Variants in SVEP1 observed in about 807,000 individuals in gnomAD.
SVEP1 encodes the protein sushi, von Willebrand factor type A, EGF and pentraxin domain-containing protein 1.
A neutral mutation model predicts 367.3 loss-of-function variants in SVEP1; 164 were observed. The observed-to-expected ratio is 0.45, with a 90% CI of 0.39 to 0.51. SVEP1 has a LOEUF of 0.51. Ranked by LOEUF, SVEP1 falls within the 20% of genes least tolerant of loss-of-function variation. The pLI is 0.00. For synonymous variants in SVEP1, 1,666 were observed against 1,611.6 expected (o/e 1.03, Z -0.81); for missense variants, 4,117 against 4,425.3 (o/e 0.93, Z 1.98).
In SVEP1 at chr9:110,489,662, T is replaced by C; in HGVS notation, c.1918A>G (p.Ile640Val). The change falls in exon 9 of 48, where the codon ATC becomes GTC. Residue 640 changes from isoleucine to valine, a missense_variant. By Grantham distance (29) the Ile-to-Val change is conservative (BLOSUM62 3). Coordinates refer to ENST00000374469, the MANE Select transcript of SVEP1 (RefSeq NM_153366.4). Reference protein sequence around the residue: ...SGNQASCIFHIKVIDAEPPVI... With the variant: ...SGNQASCIFHVKVIDAEPPVI... ...CTATATCACTTACCAATAACCTTGA[T>C]ATGGAAAATGCAGCTGGCCTGGTTG... is the stretch of plus-strand genomic sequence containing the variant. The C allele has an allele frequency of 1.9e-6, 3 of 1,612,798 alleles. No homozygotes were observed. The highest frequency in any genetic ancestry group is 2.5e-6 in the Non-Finnish European group (3 of 1,179,254).
chr9:110,577,956 T>C lies in SVEP1; in HGVS notation c.531+1057A>G, dbSNP rs1293823315. Among the ~76,000 whole-genome samples the C allele has an allele frequency of 3.3e-5, 5 of 152,320 alleles. No homozygotes were observed. In the South Asian group the frequency reaches 1.0e-3, roughly 32 times the overall value. Reference sequence around the variant, plus strand: ...GATATTAAAAAGAATAGTATGATATTGGTGAATATGTGGCAAATTTACTGC... The same window carrying C: ...GATATTAAAAAGAATAGTATGATATCGGTGAATATGTGGCAAATTTACTGC... On this transcript the variant is annotated intron_variant, in intron 1 of 47. Coordinates refer to ENST00000374469, the MANE Select transcript of SVEP1 (RefSeq NM_153366.4).
intron 39 of SVEP1, among the ~76,000 whole-genome samples, chr9:110,403,853 C>CTTT (rs11439177): frequency 6.0e-4 from 87 of 144,242 alleles, no homozygotes; most frequent in South Asian, 8.9e-4. Flanking sequence ...TAATAATACA[C>CTTT]TTTTTTTTTT....
intron 47 of SVEP1, among the ~76,000 whole-genome samples, chr9:110,367,175 T>A (rs1216883898): frequency 1.3e-5 from 2 of 152,168 alleles, no homozygotes; most frequent in African/African-American, 4.8e-5. Context: ...ATATATATAT[T>A]TTAAAACAAG....
At position 110,496,088 on chromosome 9, in the gene SVEP1, T is replaced by A. The variant is rs1425040888; in HGVS notation, c.1800+727A>T. Among the ~76,000 whole-genome samples, 6 of 152,236 alleles carry A rather than the reference T, an allele frequency of 3.9e-5. No homozygotes were observed. In the East Asian group the frequency reaches 1.2e-3, roughly 29 times the overall value. On this transcript the variant is annotated intron_variant, in intron 8 of 47. Coordinates refer to ENST00000374469, the MANE Select transcript of SVEP1 (RefSeq NM_153366.4). ...AGTTTCTGGTTTTGAGGATTTTATC[T>A]GAGATTTCTAATTAAAAATTCAAGG...
intron 43 of SVEP1, among the ~76,000 whole-genome samples, chr9:110,380,853 G>A (rs1827422677): frequency 6.6e-6 from 1 of 152,130 alleles, no homozygotes; most frequent in Non-Finnish European, 1.5e-5. Context: ...ATTTATTACT[G>A]CCTCAATTTC....
At chr9:110,486,651 CTCTCT>C (rs943523331) in intron 9 of SVEP1, among the ~76,000 whole-genome samples, 34 of 77,914 alleles carry the variant, frequency 4.4e-4, no homozygotes, top group Non-Finnish European at 6.7e-4. Context: ...CTCTCTCTCT[CTCTCT>C]TTTTTTTTTT....
At chr9:110,458,220 G>T (rs878980512) in intron 20 of SVEP1, 1 of 591,088 alleles carries the variant, frequency 1.7e-6, no homozygotes, top group Non-Finnish European at 3.1e-6. Flanking sequence ...GGCTCCCCCT[G>T]GATCTACTCA....
At chr9:110,412,792 G>A (rs1828062628) in intron 36 of SVEP1, among the ~76,000 whole-genome samples, 1 of 152,200 alleles carries the variant, frequency 6.6e-6, no homozygotes, top group Non-Finnish European at 1.5e-5. Flanking sequence ...ATGAAGAAAT[G>A]CTCATCATCA....
intron 35 of SVEP1, 55 bp downstream of exon 35, chr9:110,429,088 A>G (rs572972228): frequency 7.3e-7 from 1 of 1,367,416 alleles, no homozygotes; most frequent in African/African-American, 1.5e-5. Context: ...AAAATAAAAT[A>G]GGGAGCGAGT....
At chr9:110,527,672 T>A (rs116853336) in intron 3 of SVEP1, among the ~76,000 whole-genome samples, 2,281 of 152,206 alleles carry the variant, frequency 0.015, 33 homozygotes, top group Middle Eastern at 0.065. Flanking sequence ...TATTTGTAAT[T>A]TTCTTAAGTG....
chr9:110,554,411 A>C (rs758928336), intron 1 of SVEP1, among the ~76,000 whole-genome samples: 4 of 152,314 alleles, frequency 2.6e-5, no homozygotes, highest in Non-Finnish European at 5.9e-5. Context: ...CCCCAGTAGA[A>C]ATGGGCATCT....
chr9:110,457,292 G>A lies in SVEP1; in HGVS notation c.3637C>T (p.Arg1213Cys), dbSNP rs185467075. ...AGTGGACAGAGACAAACATAACCACGCCCAAGTTGCTGGCAGGTTCCACTA... is the reference window on the plus strand; with the variant it reads ...AGTGGACAGAGACAAACATAACCACACCCAAGTTGCTGGCAGGTTCCACTA... ...HNSGTCQQLG[R>C]GYVCLCPLGY... The change falls in exon 21 of 48, where the codon CGT becomes TGT. Residue 1213 changes from arginine (R) to cysteine (C), a missense_variant. Around this residue, in one of 4 missense-constraint regions of SVEP1, gnomAD observed 2,174 missense variants for 2,494.3 expected, o/e 0.87. Coordinates refer to ENST00000374469, the MANE Select transcript of SVEP1 (RefSeq NM_153366.4). 39 of 1,612,478 alleles carry A rather than the reference G, an allele frequency of 2.4e-5. No homozygotes were observed. The highest frequency in any genetic ancestry group is 1.7e-4 in the Middle Eastern group (1 of 6,052).
In SVEP1 at chr9:110,404,434, T is replaced by C; in HGVS notation, c.9559A>G (p.Ile3187Val). ...TCCCCATGTACAAGTATATGTGTTATGTTTTCCGGGAGAGGACATTTTTTA... is the reference window on the plus strand; with the variant it reads ...TCCCCATGTACAAGTATATGTGTTACGTTTTCCGGGAGAGGACATTTTTTA... ...SPKKCPLPEN[I>V]THILVHGDDF... Residue 3187 changes from isoleucine to valine, a missense_variant, in exon 39 of 48, where the codon ATA becomes GTA. Transcript: ENST00000374469. The C allele has an allele frequency of 1.2e-6, 2 of 1,614,044 alleles. No homozygotes were observed. Among genetic ancestry groups the C allele is most frequent in the South Asian group, 1.1e-5 (1 of 91,090 alleles).
chr9:110,455,133 T>TCA (rs998299885), intron 22 of SVEP1, among the ~76,000 whole-genome samples: 6 of 152,074 alleles, frequency 3.9e-5, no homozygotes, highest in African/African-American at 1.2e-4. Context: ...ACACACATAT[T>TCA]CACACACACA....
At chr9:110,470,948 G>A (rs912393421) in intron 16 of SVEP1, among the ~76,000 whole-genome samples, 3 of 151,994 alleles carry the variant, frequency 2.0e-5, no homozygotes, top group African/African-American at 7.3e-5. Context: ...TAATGGGTAA[G>A]TCTTAGGGGC....
At position 110,377,253 on chromosome 9, in the gene SVEP1, A is replaced by T. The variant is rs771079958; in HGVS notation, c.10504+18T>A. On this transcript the variant is annotated intron_variant, in intron 45 of 47. Coordinates refer to ENST00000374469, the MANE Select transcript of SVEP1 (RefSeq NM_153366.4). ...GCAATTTGTCAGGACTCAAAGTAAG[A>T]TCTGAAGAGCAACTCACGTTCTTCA... The T allele has an allele frequency of 6.2e-7, 1 of 1,610,852 alleles. No homozygotes were observed.
intron 37 of SVEP1, among the ~76,000 whole-genome samples, chr9:110,410,544 T>C (rs1345652108): frequency 2.0e-5 from 3 of 151,764 alleles, no homozygotes; most frequent in African/African-American, 7.3e-5. Flanking sequence ...TAAAACAAAA[T>C]ATTATATTAA....
At chr9:110,532,436 C>T (rs991717896) in intron 3 of SVEP1, among the ~76,000 whole-genome samples, 2 of 152,010 alleles carry the variant, frequency 1.3e-5, no homozygotes, top group African/African-American at 2.4e-5. Flanking sequence ...TGAACGGACA[C>T]ACAAGGCATG....
chr9:110,523,758 T>G (rs1829906762), intron 3 of SVEP1, among the ~76,000 whole-genome samples: 1 of 151,266 alleles, frequency 6.6e-6, no homozygotes, highest in South Asian at 2.1e-4. Context: ...AGAAAAGAAG[T>G]CTCAAATCGA....
Sources: allele counts gnomAD v4.1 joint callset (sites outside exome capture counted in the v4.1 genomes callset), GRCh38; gene constraint gnomAD v4.1.1; regional missense constraint gnomAD v4.1.1; transcripts MANE v1.5; gene names NCBI Gene and HGNC (gene_info 2026-07-23, HGNC 2026-07-21).